SGMS1: variants seen among roughly 807,000 people sequenced by gnomAD.
SGMS1 encodes the protein phosphatidylcholine:ceramide cholinephosphotransferase 1.
In SGMS1, 13 loss-of-function variants were observed where a neutral mutation model predicts 46.2. The observed-to-expected ratio is 0.28, with a 90% CI of 0.18 to 0.45. The LOEUF (loss-of-function observed/expected upper bound fraction) is 0.45. Among genes scored for constraint, SGMS1 ranks in the 20% least tolerant of loss-of-function variants. The pLI is 1.00. For missense variants in SGMS1, 324 were observed against 519.9 expected, an observed-to-expected ratio of 0.62 and a Z score of 3.66; for synonymous variants, 203 against 187.8, an observed-to-expected ratio of 1.08 and a Z score of -0.66.
chr10:50,586,680 G>T (rs1838487612), intron 2 of SGMS1, among the ~76,000 whole-genome samples: 1 of 152,240 alleles, frequency 6.6e-6, no homozygotes, highest in Admixed American at 6.5e-5. Flanking sequence ...GTCACAGGAA[G>T]AGCAGCAGGA....
chr10:50,487,432 C>A (rs1837530839), intron 3 of SGMS1, among the ~76,000 whole-genome samples: 1 of 152,272 alleles, frequency 6.6e-6, no homozygotes, highest in Admixed American at 6.5e-5. Flanking sequence ...ACCACCATGG[C>A]ACATGTTTGC....
At chr10:50,620,041 G>A (rs1838834576) in intron 1 of SGMS1, among the ~76,000 whole-genome samples, 1 of 152,216 alleles carries the variant, frequency 6.6e-6, no homozygotes, top group Non-Finnish European at 1.5e-5. Flanking sequence ...CATTCCAGCA[G>A]GGCCTGAGCC....
chr10:50,489,627 A>T (rs11005901), intron 3 of SGMS1, among the ~76,000 whole-genome samples: 4,618 of 152,294 alleles, frequency 0.03, 110 homozygotes, highest in African/African-American at 0.064. Flanking sequence ...TTTCAACTCA[A>T]TTACATCAAC....
At chr10:50,403,208 G>C (rs556873284) in intron 6 of SGMS1, among the ~76,000 whole-genome samples, 6 of 152,166 alleles carry the variant, frequency 3.9e-5, no homozygotes, top group African/African-American at 1.4e-4. Context: ...TTACTCACTG[G>C]CCAGTCTAGA....
intron 5 of SGMS1, among the ~76,000 whole-genome samples, chr10:50,447,629 T>C (rs1209146): frequency 0.86 from 130,441 of 152,194 alleles, 56,141 homozygotes; most frequent in East Asian, 1. Flanking sequence ...TTAAATTATT[T>C]TTAATTGACA....
intron 6 of SGMS1, among the ~76,000 whole-genome samples, chr10:50,399,505 A>T (rs555151853): frequency 6.6e-6 from 1 of 152,328 alleles, no homozygotes; most frequent in South Asian, 2.1e-4. Flanking sequence ...AGAATGTGTT[A>T]AATTATATAC....
At chr10:50,417,372 T>C (rs1230608716) in intron 6 of SGMS1, among the ~76,000 whole-genome samples, 1 of 151,918 alleles carries the variant, frequency 6.6e-6, no homozygotes, top group Non-Finnish European at 1.5e-5. Flanking sequence ...AATTTAGGTC[T>C]CCAGATTTCC....
In SGMS1 at chr10:50,326,510, CTT is replaced by C. The variant is rs570712644; in HGVS notation, c.741+693_741+694del. Among the ~76,000 whole-genome samples, 17 of 152,268 alleles carry C rather than the reference CTT, an allele frequency of 1.1e-4. No individual in the cohort carries two copies. The South Asian group carries it at 3.5e-3, about 32-fold the overall frequency. The stretch of plus-strand genomic sequence containing the variant: ...AAAAATCAAGGAGAGAAATTAGCCT[CTT>C]TTAAAAATTCATTAAAGAGCTTTAA... On this transcript the variant is annotated intron_variant, in intron 8 of 10. Coordinates refer to ENST00000361781, the MANE Select transcript of SGMS1 (RefSeq NM_147156.4).
At chr10:50,471,390 A>G (rs146878051) in intron 3 of SGMS1, among the ~76,000 whole-genome samples, 54 of 152,298 alleles carry the variant, frequency 3.5e-4, no homozygotes, top group Non-Finnish European at 6.5e-4. Context: ...TTACATTTCT[A>G]TGTGGTACCA....
upstream of SGMS1, chr10:50,624,872 G>C (rs1012663221): frequency 1.0e-6 from 1 of 998,416 alleles, no homozygotes; most frequent in Non-Finnish European, 1.2e-6. Context: ...CCGCGGGGTC[G>C]GGGACTTGGC....
rs372405644 is a variant in SGMS1, at chr10:50,595,244, C to G, written c.-683-4997G>C. On this transcript the variant is annotated intron_variant, in intron 1 of 10. Transcript: ENST00000361781. ...AGGCTGGAGTGCAGTAGCACGATCT[C>G]GGCTCACTGCCACCTCCACCTCCCA... is the stretch of plus-strand genomic sequence containing the variant. Among the ~76,000 whole-genome samples, 6 of 151,990 alleles carry G rather than the reference C, an allele frequency of 3.9e-5. No individual in the cohort carries two copies. The East Asian group carries it at 1.2e-3, about 29-fold the overall frequency.
chr10:50,339,970 A>C (rs1847786776), intron 7 of SGMS1, among the ~76,000 whole-genome samples: 1 of 152,212 alleles, frequency 6.6e-6, no homozygotes, highest in Non-Finnish European at 1.5e-5. Flanking sequence ...TCTAAATAGA[A>C]ATGGAAAGAA....
intron 2 of SGMS1, among the ~76,000 whole-genome samples, chr10:50,530,304 C>T (rs981561060): frequency 1.3e-5 from 2 of 152,170 alleles, no homozygotes; most frequent in African/African-American, 2.4e-5. Flanking sequence ...TTTTCTAACA[C>T]CATCATTAGC....
Position 50,458,339 on chromosome 10 carries a change from C to CTTTTTTTTTTTTTTTTTTTTTTTTTT in SGMS1, c.-313+2308_-313+2333dup, listed in dbSNP as rs750349777. Among the ~76,000 whole-genome samples the CTTTTTTTTTTTTTTTTTTTTTTTTTT allele has an allele frequency of 2.1e-5, 2 of 97,140 alleles. 1 individual carries two copies. Among genetic ancestry groups the CTTTTTTTTTTTTTTTTTTTTTTTTTT allele is most frequent in the Non-Finnish European group, 3.8e-5 (2 of 52,232 alleles). 63.7% of individuals were successfully genotyped at this position (97,140 alleles called of 152,430 possible). ...TCTGGCTCTGCTATTTTCTTTTTCT[C>CTTTTTTTTTTTTTTTTTTTTTTTTTT]TTTTTTTTTTTTTTTTTTTTTTTTT... On this transcript the variant is annotated intron_variant, in intron 5 of 10. Transcript: ENST00000361781.
chr10:50,374,754 C>A (rs1258610773), intron 6 of SGMS1, among the ~76,000 whole-genome samples: 1 of 152,100 alleles, frequency 6.6e-6, no homozygotes, highest in African/African-American at 2.4e-5. Context: ...ACCACTCTGG[C>A]CACTGTTTCT....
intron 6 of SGMS1, among the ~76,000 whole-genome samples, chr10:50,402,420 C>T (rs1848954703): frequency 6.6e-6 from 1 of 152,004 alleles, no homozygotes; most frequent in Non-Finnish European, 1.5e-5. Flanking sequence ...CATCTCAGGT[C>T]AAATGGCAAG....
At chr10:50,547,496 G>A (rs1263432863) in intron 2 of SGMS1, among the ~76,000 whole-genome samples, 3 of 152,108 alleles carry the variant, frequency 2.0e-5, no homozygotes, top group African/African-American at 7.2e-5. Context: ...TAACCAGGAA[G>A]AAATTGAATC....
intron 2 of SGMS1, among the ~76,000 whole-genome samples, chr10:50,528,763 G>A (rs1321479560): frequency 6.6e-6 from 1 of 152,148 alleles, no homozygotes; most frequent in Non-Finnish European, 1.5e-5. Context: ...GTCAGGCTGA[G>A]GTGAGAGAAT....
chr10:50,487,456 A>G (rs1837531019), intron 3 of SGMS1, among the ~76,000 whole-genome samples: 1 of 152,232 alleles, frequency 6.6e-6, no homozygotes, highest in African/African-American at 2.4e-5. Flanking sequence ...TGTAACAAAC[A>G]TGCACATCCT....
Sources: gnomAD v4.1 joint callset for allele counts (sites outside exome capture counted in the v4.1 genomes callset) on GRCh38, gnomAD v4.1.1 for gene constraint, MANE v1.5 for transcripts, NCBI Gene and HGNC (gene_info 2026-07-23, HGNC 2026-07-21) for gene names.